Variants in CYFIP2 observed in about 807,000 individuals in gnomAD.
CYFIP2 encodes cytoplasmic FMR1-interacting protein 2.
In CYFIP2, 29 loss-of-function variants were observed where a neutral mutation model predicts 158.7. The ratio of observed to expected loss-of-function variants is 0.18; its 90% CI spans 0.14 to 0.25. The LOEUF (loss-of-function observed/expected upper bound fraction) is 0.25, where lower values mean the gene tolerates loss of function less well. CYFIP2 is among the 10% of genes least tolerant of loss of function. The pLI is 1.00. For missense variants in CYFIP2, 852 were observed against 1,639.5 expected (o/e 0.52, Z 8.29); for synonymous variants, 585 against 617.6 (o/e 0.95, Z 0.78).
chr5:157,343,633 A>C, intron 23 of CYFIP2: 6 of 1,022,456 alleles, frequency 5.9e-6, no homozygotes, highest in Non-Finnish European at 7.0e-6. Context: ...CACATTTGAG[A>C]CGGGCACTCA....
rs751226929 is a variant in CYFIP2, at chr5:157,389,438, C to T, written c.3446+11C>T. On this transcript the variant is annotated intron_variant, in intron 29 of 30. Coordinates refer to ENST00000620254, the MANE Select transcript of CYFIP2 (RefSeq NM_001037333.3). Reference sequence around the variant, plus strand: ...CGAGTTCACAGCTGAGTGAGTACCCCCCAGAGAAGGCAGGGTTACCCCCAA... The same window carrying T: ...CGAGTTCACAGCTGAGTGAGTACCCTCCAGAGAAGGCAGGGTTACCCCCAA... 1.9e-6 allele frequency: 3 copies of T among 1,562,672 alleles called. No individual in the cohort carries two copies. In the African/African-American group the frequency reaches 4.0e-5, roughly 21 times the overall value.
chr5:157,274,334 A>G (rs73302146), intron 1 of CYFIP2, among the ~76,000 whole-genome samples: 2,983 of 152,292 alleles, frequency 0.02, 106 homozygotes, highest in African/African-American at 0.069. Flanking sequence ...ATGGAACAAT[A>G]CAATACGGGG....
At chr5:157,302,950 A>G (rs1403562280) in intron 7 of CYFIP2, 60 bp downstream of exon 7, 3 of 1,404,618 alleles carry the variant, frequency 2.1e-6, no homozygotes, top group Non-Finnish European at 2.9e-6. Context: ...GCAGGCGTGT[A>G]GAGGTTGGGT....
intron 23 of CYFIP2, among the ~76,000 whole-genome samples, chr5:157,348,812 T>A (rs962123436): frequency 6.6e-6 from 1 of 152,180 alleles, no homozygotes; most frequent in African/African-American, 2.4e-5. Flanking sequence ...GTCTTAAATC[T>A]GCAGCAATGC....
intron 11 of CYFIP2, among the ~76,000 whole-genome samples, chr5:157,312,815 TTGAAC>T (rs1759845637): frequency 6.6e-6 from 1 of 152,250 alleles, no homozygotes; most frequent in East Asian, 1.9e-4. Context: ...TACCAATCCG[TTGAAC>T]TGAAGTTACA....
chr5:157,284,343 A>G (rs1008600297), intron 1 of CYFIP2, among the ~76,000 whole-genome samples: 1 of 152,230 alleles, frequency 6.6e-6, no homozygotes, highest in Non-Finnish European at 1.5e-5. Flanking sequence ...TTAGTTATGA[A>G]TGACCTTGAA....
chr5:157,288,029 G>A (rs1214368862), intron 3 of CYFIP2, among the ~76,000 whole-genome samples: 1 of 151,956 alleles, frequency 6.6e-6, no homozygotes. Flanking sequence ...GGAGGTTGAG[G>A]CTGCAGTGAG....
chr5:157,282,070 T>A (rs566891650), intron 1 of CYFIP2, among the ~76,000 whole-genome samples: 53 of 152,326 alleles, frequency 3.5e-4, no homozygotes, highest in African/African-American at 1.2e-3. Context: ...AGTCCTCTGT[T>A]AATGGATGTA....
At chr5:157,284,963 C>T (rs1372810556) in intron 1 of CYFIP2, among the ~76,000 whole-genome samples, 1 of 152,182 alleles carries the variant, frequency 6.6e-6, no homozygotes, top group Non-Finnish European at 1.5e-5. Flanking sequence ...GGTGGAGAAA[C>T]TAACCATGAC....
intron 26 of CYFIP2, among the ~76,000 whole-genome samples, chr5:157,379,668 C>CAAAAAAAAAAAAAAAAAAAAAAAAAAAAA (rs70984468): frequency 4.1e-5 from 3 of 73,654 alleles, no homozygotes; most frequent in African/African-American, 1.6e-4. Flanking sequence ...GACCCTGTCT[C>CAAAAAAAAAAAAAAAAAAAAAAAAAAAAA]AAAAAAAAAA....
At position 157,294,560 on chromosome 5, in the gene CYFIP2, A is replaced by T. The variant is rs980712680; in HGVS notation, c.208-223A>T. Among the ~76,000 whole-genome samples the T allele has an allele frequency of 4.6e-5, 7 of 152,174 alleles. No individual in the cohort carries two copies. The East Asian group carries it at 1.4e-3, about 29-fold the overall frequency. On this transcript the variant is annotated intron_variant, in intron 3 of 30. Transcript: ENST00000620254. ...TGGCCTGAGGATGAGTTCTTCTCAA[A>T]CTCATTGTGTATGTGAGTCATCTGG... is the stretch of plus-strand genomic sequence containing the variant.
chr5:157,387,674 A>AT (rs3052309), intron 28 of CYFIP2, among the ~76,000 whole-genome samples: 2,480 of 146,042 alleles, frequency 0.017, 51 homozygotes, highest in East Asian at 0.062. Flanking sequence ...CAGGCTCAGG[A>AT]TTTTTTTTTT....
chr5:157,320,533 C>A, intron 14 of CYFIP2, 122 bp from the exon 15 acceptor site: 1 of 1,296,348 alleles, frequency 7.7e-7, no homozygotes, highest in East Asian at 2.4e-5. Flanking sequence ...GCATGCTTTA[C>A]AAGCACCCCA....
At chr5:157,277,288 C>T (rs1452230866) in intron 1 of CYFIP2, 1 of 152,334 alleles carries the variant, frequency 6.6e-6, no homozygotes, top group Non-Finnish European at 1.5e-5. Context: ...ATCTTGGCCT[C>T]CCAAAGTGTT....
chr5:157,290,446 C>G (rs1757726864), intron 3 of CYFIP2, among the ~76,000 whole-genome samples: 1 of 152,220 alleles, frequency 6.6e-6, no homozygotes. Context: ...CTGCCTCCCT[C>G]TTTTGCTTAT....
At position 157,319,827 on chromosome 5, in the gene CYFIP2, C is replaced by T. The variant is rs1760445270; in HGVS notation, c.1422C>T (p.Ala474=). Residue 474 remains alanine (A), a synonymous_variant, in exon 14 of 31, where the codon GCC becomes GCT. Transcript: ENST00000620254. ...MGRMESVFNQ[A]IRNTIYAALQ... ...GGATGGAGAGCGTCTTCAACCAGGC[C>T]ATCAGGAACACCATCTACGCGGCAT... is the stretch of plus-strand genomic sequence containing the variant. 1.2e-6 allele frequency: 2 copies of T among 1,614,130 alleles called. No individual in the cohort carries two copies. The highest frequency in any genetic ancestry group is 4.5e-5 in the East Asian group (2 of 44,890).
rs370131961 is a variant in CYFIP2 at position 157,302,898 on chromosome 5, C to T, written c.666+8C>T. ...CACAACAGGATCACCCAGGTGAGGG[C>T]AGACTCCTTGTTAGGCCTGGCCTGA... On this transcript the variant is annotated splice_region_variant and intron_variant, in intron 7 of 30. Transcript: ENST00000620254. 869 of 1,565,388 alleles carry T rather than the reference C, an allele frequency of 5.6e-4. No homozygotes were observed. Among genetic ancestry groups the T allele is most frequent in the Non-Finnish European group, 7.1e-4 (819 of 1,154,440 alleles).
intron 23 of CYFIP2, among the ~76,000 whole-genome samples, chr5:157,354,804 A>G (rs1167672282): frequency 6.6e-6 from 1 of 152,126 alleles, no homozygotes; most frequent in Non-Finnish European, 1.5e-5. Flanking sequence ...AACAGTTCCA[A>G]TACTATTCTC....
Position 157,326,025 on chromosome 5 carries a change from C to T in CYFIP2, c.1983-146C>T, listed in dbSNP as rs6890033. 4,143 of 658,516 alleles carry T rather than the reference C, an allele frequency of 6.3e-3. 136 individuals carry two copies. In the African/African-American group the frequency reaches 0.068, roughly 11 times the overall value. 40.8% of individuals were successfully genotyped at this position (658,516 alleles called of 1,614,324 possible). ...GACTGTAAAGTAAGTTGCTTCTAAG[C>T]GGTGGAGGCTCAAGGAACGTAAGAG... is the stretch of plus-strand genomic sequence containing the variant. On this transcript the variant is annotated intron_variant, in intron 17 of 30. Coordinates refer to ENST00000620254, the MANE Select transcript of CYFIP2 (RefSeq NM_001037333.3).
Sources: gnomAD v4.1 joint callset for allele counts (sites outside exome capture counted in the v4.1 genomes callset) on GRCh38, gnomAD v4.1.1 for gene constraint, MANE v1.5 for transcripts, NCBI Gene and HGNC (gene_info 2026-07-23, HGNC 2026-07-21) for gene names.